The following ANKFN1 variants were observed in gnomAD, a reference collection of about 807,000 sequenced individuals.
ANKFN1 encodes the protein ankyrin repeat and fibronectin type III domain containing 1, also known as ankyrin repeat and fibronectin type-III domain-containing protein 1.
ANKFN1 carries 74 observed loss-of-function variants against 108.7 expected under a neutral mutation model. That is an observed-to-expected ratio of 0.68 (90% CI 0.56 to 0.83). ANKFN1 has a LOEUF of 0.83. ANKFN1 is among the 40% of genes least tolerant of loss of function. The probability of loss-of-function intolerance (pLI) is 0.00; values close to 1 mark genes in which losing one functional copy is unlikely to be tolerated. For missense variants in ANKFN1, 1,505 were observed against 1,382.3 expected (o/e 1.09, Z -1.41); for synonymous variants, 547 against 516.2 (o/e 1.06, Z -0.81).
At chr17:56,223,939 C>T (rs1916064682) in intron 2 of ANKFN1, among the ~76,000 whole-genome samples, 1 of 152,220 alleles carries the variant, frequency 6.6e-6, no homozygotes, top group Admixed American at 6.5e-5. Flanking sequence ...CAGTGCTACT[C>T]TTATTTCTAT....
intron 20 of ANKFN1, among the ~76,000 whole-genome samples, chr17:56,505,297 T>C (rs952798898): frequency 6.6e-6 from 1 of 152,236 alleles, no homozygotes; most frequent in Non-Finnish European, 1.5e-5. Context: ...CTATTCGTTA[T>C]GCTCCCAGAT....
At chr17:56,234,039 A>G (rs545468814) in intron 3 of ANKFN1, among the ~76,000 whole-genome samples, 54 of 152,250 alleles carry the variant, frequency 3.5e-4, no homozygotes, top group African/African-American at 1.3e-3. Flanking sequence ...CTTTTTGTTT[A>G]ATCTGCATCA....
chr17:56,062,502 T>C (rs1904991682), intron 4 of ANKFN1, among the ~76,000 whole-genome samples: 1 of 152,142 alleles, frequency 6.6e-6, no homozygotes, highest in African/African-American at 2.4e-5. Context: ...TCTTTGTCTT[T>C]TCTGATCTTG....
At chr17:56,303,530 G>T (rs2044730889) in intron 3 of ANKFN1, among the ~76,000 whole-genome samples, 1 of 152,138 alleles carries the variant, frequency 6.6e-6, no homozygotes, top group Non-Finnish European at 1.5e-5. Flanking sequence ...ACCACTAATG[G>T]GAGGTATGTT....
At chr17:56,094,679 T>G (rs1295049176) in intron 4 of ANKFN1, among the ~76,000 whole-genome samples, 3 of 135,564 alleles carry the variant, frequency 2.2e-5, no homozygotes, top group East Asian at 2.4e-4. Context: ...AATTGGGTTT[T>G]TTTTTTTTTT....
chr17:56,167,136 A>G (rs1910190059), intron 1 of ANKFN1, among the ~76,000 whole-genome samples: 1 of 151,674 alleles, frequency 6.6e-6, no homozygotes, highest in Non-Finnish European at 1.5e-5. Context: ...AAATAAATAT[A>G]CATATACACA....
intron 3 of ANKFN1, among the ~76,000 whole-genome samples, chr17:56,318,417 C>G (rs1321046770): frequency 6.6e-6 from 1 of 152,134 alleles, no homozygotes; most frequent in Non-Finnish European, 1.5e-5. Flanking sequence ...CTCTTTAATT[C>G]TTTTCAATTA....
Position 56,336,110 on chromosome 17 carries a change from A to C in ANKFN1, c.188+9755A>C, listed in dbSNP as rs751578688. Among the ~76,000 whole-genome samples, 36 of 152,222 alleles carry C rather than the reference A, an allele frequency of 2.4e-4. 1 individual carries two copies. Among genetic ancestry groups the C allele is most frequent in the Non-Finnish European group, 5.0e-4 (34 of 68,006 alleles). Reference sequence around the variant, plus strand: ...AGCTTTTTGATGAGCTGCTGGATTCAGTTTGCCAGTATTTTATTGAGGATT... The same window carrying C: ...AGCTTTTTGATGAGCTGCTGGATTCCGTTTGCCAGTATTTTATTGAGGATT... On this transcript the variant is annotated intron_variant, in intron 4 of 20. Transcript: ENST00000682825.
intron 1 of ANKFN1, among the ~76,000 whole-genome samples, chr17:56,185,862 T>C (rs1201664436): frequency 1.3e-5 from 2 of 152,148 alleles, no homozygotes; most frequent in Non-Finnish European, 2.9e-5. Context: ...CGACCAGGAC[T>C]CTGCCAGAAT....
intron 4 of ANKFN1, among the ~76,000 whole-genome samples, chr17:56,048,650 G>T (rs956172179): frequency 1.2e-4 from 18 of 152,178 alleles, no homozygotes; most frequent in Non-Finnish European, 2.5e-4. Context: ...CAAGCATCAA[G>T]CTCAGCAGCC....
intron 3 of ANKFN1, among the ~76,000 whole-genome samples, chr17:56,261,872 C>T (rs931340585): frequency 6.6e-6 from 1 of 152,160 alleles, no homozygotes; most frequent in Non-Finnish European, 1.5e-5. Flanking sequence ...TACTTTGCAT[C>T]CTTCAATCCA....
intron 8 of ANKFN1, among the ~76,000 whole-genome samples, chr17:56,390,361 T>A (rs1363987326): frequency 6.6e-6 from 1 of 152,230 alleles, no homozygotes; most frequent in Non-Finnish European, 1.5e-5. Context: ...CCCATGTCCC[T>A]GAAAAGGACA....
chr17:56,403,142 C>T (rs1211683099), intron 8 of ANKFN1, among the ~76,000 whole-genome samples: 2 of 152,032 alleles, frequency 1.3e-5, no homozygotes, highest in Non-Finnish European at 2.9e-5. Flanking sequence ...GAGAAAGTTC[C>T]ATGTGCTGTT....
chr17:56,058,978 T>C (rs1904926932), intron 4 of ANKFN1, among the ~76,000 whole-genome samples: 1 of 152,226 alleles, frequency 6.6e-6, no homozygotes, highest in South Asian at 2.1e-4. Flanking sequence ...TCAAATGGTA[T>C]TTCTGGTTCT....
At chr17:56,061,386 CT>C (rs1305249389) in intron 4 of ANKFN1, among the ~76,000 whole-genome samples, 1 of 147,138 alleles carries the variant, frequency 6.8e-6, no homozygotes, top group African/African-American at 2.5e-5. Flanking sequence ...ATTCTCCTGC[CT>C]CAGCCTCCTG....
At chr17:56,121,557 C>T (rs1041897508) in intron 4 of ANKFN1, among the ~76,000 whole-genome samples, 2 of 151,578 alleles carry the variant, frequency 1.3e-5, no homozygotes, top group South Asian at 4.2e-4. Flanking sequence ...TCAGCCTCCA[C>T]CAAGAATGTC....
intron 8 of ANKFN1, among the ~76,000 whole-genome samples, chr17:56,437,098 T>C (rs2048956096): frequency 6.6e-6 from 1 of 152,162 alleles, no homozygotes; most frequent in African/African-American, 2.4e-5. Flanking sequence ...CTTTTGAAAC[T>C]CAGATATGTT....
At position 56,374,619 on chromosome 17, in the gene ANKFN1, C is replaced by G; in HGVS notation, c.815C>G (p.Thr272Ser). The G allele has an allele frequency of 6.2e-7, 1 of 1,613,832 alleles. No homozygotes were observed. Among genetic ancestry groups the G allele is most frequent in the South Asian group, 1.1e-5 (1 of 91,064 alleles). Residue 272 changes from threonine (T) to serine (S), a missense_variant, in exon 8 of 21, where the codon ACC becomes AGC. By Grantham distance (58) the Thr-to-Ser change is moderately conservative. Transcript: ENST00000682825. ...FEHARAPEMP[T>S]NVCLMVTSST... ...GTCCCAGGAGCCCCTGAGATGCCAA[C>G]CAATGTCTGTCTCATGGTAACCAGC...
chr17:56,351,187 TTC>T (rs1372828597), intron 5 of ANKFN1, among the ~76,000 whole-genome samples: 1 of 152,106 alleles, frequency 6.6e-6, no homozygotes, highest in Non-Finnish European at 1.5e-5. Context: ...TTTCTTTTTC[TTC>T]TCTCTTAATT....
Sources: gnomAD v4.1 joint callset for allele counts (sites outside exome capture counted in the v4.1 genomes callset) on GRCh38, gnomAD v4.1.1 for gene constraint, MANE v1.5 for transcripts, NCBI Gene and HGNC (gene_info 2026-07-23, HGNC 2026-07-21) for gene names.